The following KPNA1 variants were observed in gnomAD, a reference collection of about 807,000 sequenced individuals.
The protein encoded by KPNA1 is karyopherin subunit alpha 1, also known as importin subunit alpha-5.
KPNA1 carries 10 observed loss-of-function variants against 70.5 expected under a neutral mutation model. The ratio of observed to expected loss-of-function variants is 0.14; its 90% CI spans 0.09 to 0.24. The LOEUF is 0.24. Ranked by LOEUF, KPNA1 falls within the 10% of genes least tolerant of loss-of-function variation. The pLI, the probability that KPNA1 is intolerant of heterozygous loss-of-function variation, is 1.00. For synonymous variants in KPNA1, 192 were observed against 221.9 expected, an observed-to-expected ratio of 0.87 and a Z score of 1.20; for missense variants, 397 against 637.9, an observed-to-expected ratio of 0.62 and a Z score of 4.07.
Position 122,422,657 on chromosome 3 carries a change from G to A in KPNA1, c.*4328C>T, listed in dbSNP as rs2075775817. On this transcript the variant is annotated 3_prime_UTR_variant, in exon 14 of 14. Coordinates refer to ENST00000344337, the MANE Select transcript of KPNA1 (RefSeq NM_002264.4). ...ATTTGCAGGGCTCTTCCCCGCCCTT[G>A]GACAGCCATCTAAGTGTTGTAACCT... The A allele has an allele frequency of 6.6e-6, 1 of 152,202 alleles. No homozygotes were observed. Among genetic ancestry groups the A allele is most frequent in the Non-Finnish European group, 1.5e-5 (1 of 68,040 alleles). 9.4% of individuals were successfully genotyped at this position (152,202 alleles called of 1,614,324 possible). A position where few individuals can be genotyped will look rare whatever the true frequency, so the allele number is the denominator to read the frequency against.
chr3:122,468,154 T>G (rs983231706), intron 2 of KPNA1, among the ~76,000 whole-genome samples: 1 of 151,114 alleles, frequency 6.6e-6, no homozygotes, highest in African/African-American at 2.4e-5. Flanking sequence ...AACCACAGAG[T>G]AGTGATATCT....
intron 1 of KPNA1, among the ~76,000 whole-genome samples, chr3:122,506,927 A>T (rs912193421): frequency 6.6e-6 from 1 of 152,242 alleles, no homozygotes; most frequent in Non-Finnish European, 1.5e-5. Context: ...TACATAAAGG[A>T]AACAAAACTA....
intron 3 of KPNA1, among the ~76,000 whole-genome samples, chr3:122,466,157 A>G (rs2107749025): frequency 6.6e-6 from 1 of 152,284 alleles, no homozygotes; most frequent in African/African-American, 2.4e-5. Context: ...CCAACTCTCA[A>G]AGAAAGCTGG....
rs1440873553 is a variant in KPNA1 at position 122,467,330 on chromosome 3, T to C, written c.229A>G (p.Met77Val). The C allele has an allele frequency of 2.6e-6, 4 of 1,537,304 alleles. No homozygotes were observed. The highest frequency in any genetic ancestry group is 3.6e-6 in the Non-Finnish European group (4 of 1,113,084). ...AGAGTTCATTATCTTACTGGTGCCATCTCCATGTTACTAATCTGAGCCTCA... is the reference window on the plus strand; with the variant it reads ...AGAGTTCATTATCTTACTGGTGCCACCTCCATGTTACTAATCTGAGCCTCA... ...FHEAQISNME[M>V]APGGVITSDM... is the part of the protein sequence containing the mutation. The change falls in exon 3 of 14, where the codon ATG becomes GTG. Residue 77 changes from methionine to valine, a missense_variant. Coordinates refer to ENST00000344337, the MANE Select transcript of KPNA1 (RefSeq NM_002264.4).
chr3:122,441,888 A>C (rs1346822603), intron 10 of KPNA1, 150 bp downstream of exon 10: 1 of 701,956 alleles, frequency 1.4e-6, no homozygotes, highest in Non-Finnish European at 2.5e-6. Context: ...GGCGTGAGTG[A>C]CCGCCCCCGG....
intron 10 of KPNA1, among the ~76,000 whole-genome samples, chr3:122,439,232 G>A (rs1198795199): frequency 2.6e-5 from 4 of 152,164 alleles, no homozygotes; most frequent in Admixed American, 2.6e-4. Context: ...ACTAAGGCTG[G>A]AGTGTGGTGG....
intron 8 of KPNA1, among the ~76,000 whole-genome samples, chr3:122,450,350 G>A (rs1232625638): frequency 3.3e-5 from 5 of 152,216 alleles, no homozygotes; most frequent in Non-Finnish European, 4.4e-5. Flanking sequence ...GGGAGGCTGA[G>A]GTGGGTGGAT....
intron 2 of KPNA1, among the ~76,000 whole-genome samples, chr3:122,486,748 G>A (rs1012827989): frequency 5.3e-5 from 8 of 151,988 alleles, no homozygotes; most frequent in African/African-American, 1.4e-4. Flanking sequence ...CACCACGCCC[G>A]GCTAATTTTT....
At chr3:122,504,138 T>C (rs1447754933) in intron 1 of KPNA1, among the ~76,000 whole-genome samples, 1 of 152,216 alleles carries the variant, frequency 6.6e-6, no homozygotes, top group African/African-American at 2.4e-5. Flanking sequence ...GGTTCATCAA[T>C]TGTTTTAGCT....
At chr3:122,500,949 T>G (rs1030028299) in intron 1 of KPNA1, among the ~76,000 whole-genome samples, 16 of 151,824 alleles carry the variant, frequency 1.1e-4, no homozygotes, top group East Asian at 7.8e-4. Flanking sequence ...GCTTTAGGTT[T>G]ACTCTGCTCT....
chr3:122,429,403 T>A (rs1021026682), intron 12 of KPNA1, among the ~76,000 whole-genome samples: 1 of 127,584 alleles, frequency 7.8e-6, no homozygotes, highest in Non-Finnish European at 1.6e-5. Flanking sequence ...GCCGAGACCG[T>A]GCCACTGCAC....
intron 1 of KPNA1, among the ~76,000 whole-genome samples, chr3:122,498,388 C>G (rs537343656): frequency 3.3e-5 from 5 of 152,198 alleles, no homozygotes; most frequent in Non-Finnish European, 7.4e-5. Context: ...AACAAGGAAG[C>G]AGGCTCTCAC....
At chr3:122,428,644 T>C (rs2075855724) in intron 12 of KPNA1, among the ~76,000 whole-genome samples, 1 of 152,150 alleles carries the variant, frequency 6.6e-6, no homozygotes, top group Non-Finnish European at 1.5e-5. Context: ...AAATGAACAA[T>C]TTCTTGAAAG....
chr3:122,513,283 T>G (rs1356885191), intron 1 of KPNA1, among the ~76,000 whole-genome samples: 3 of 152,208 alleles, frequency 2.0e-5, no homozygotes, highest in Non-Finnish European at 4.4e-5. Flanking sequence ...TGTAAAGCAT[T>G]TAACACAATA....
At chr3:122,470,559 TA>T (rs538084662) in intron 2 of KPNA1, among the ~76,000 whole-genome samples, 1 of 151,432 alleles carries the variant, frequency 6.6e-6, no homozygotes, top group African/African-American at 2.4e-5. Flanking sequence ...TAAAAATTTT[TA>T]AAAAAAGTTA....
At chr3:122,495,314 A>G (rs1314973517) in intron 2 of KPNA1, among the ~76,000 whole-genome samples, 1 of 151,942 alleles carries the variant, frequency 6.6e-6, no homozygotes, top group African/African-American at 2.4e-5. Context: ...CTAATTTAAA[A>G]GCTCTGTGAA....
chr3:122,443,886 T>C (rs181197178), intron 9 of KPNA1, among the ~76,000 whole-genome samples: 23 of 152,314 alleles, frequency 1.5e-4, no homozygotes, highest in Non-Finnish European at 2.4e-4. Context: ...TGTACACCCA[T>C]TGTCACTGAT....
chr3:122,465,357 A>T (rs1165844377), intron 3 of KPNA1, among the ~76,000 whole-genome samples: 1 of 152,224 alleles, frequency 6.6e-6, no homozygotes, highest in Non-Finnish European at 1.5e-5. Context: ...AAACATGCTC[A>T]GAACACATAC....
chr3:122,498,280 A>G (rs1472530974), intron 1 of KPNA1, among the ~76,000 whole-genome samples: 1 of 152,228 alleles, frequency 6.6e-6, no homozygotes, highest in Non-Finnish European at 1.5e-5. Context: ...GGTAGAGTCC[A>G]TATGAATAGG....
Sources: allele counts gnomAD v4.1 joint callset (sites outside exome capture counted in the v4.1 genomes callset), GRCh38; gene constraint gnomAD v4.1.1; transcripts MANE v1.5; gene names NCBI Gene and HGNC (gene_info 2026-07-23, HGNC 2026-07-21).